Variants in SMC1B observed in about 807,000 individuals in gnomAD.
SMC1B encodes the protein structural maintenance of chromosomes 1B.
SMC1B carries 60 observed loss-of-function variants against 157.9 expected under a neutral mutation model. That is an observed-to-expected ratio of 0.38 (90% CI 0.31 to 0.47). The LOEUF is 0.47. Ranked by LOEUF, SMC1B falls within the 20% of genes least tolerant of loss-of-function variation. The pLI is 0.99. For synonymous variants in SMC1B, 445 were observed against 483.0 expected, an observed-to-expected ratio of 0.92 and a Z score of 1.03; for missense variants, 1,165 against 1,426.2, an observed-to-expected ratio of 0.82 and a Z score of 2.95.
intron 8 of SMC1B, among the ~76,000 whole-genome samples, chr22:45,394,109 C>T (rs2087094203): frequency 6.6e-6 from 1 of 151,648 alleles, no homozygotes; most frequent in Non-Finnish European, 1.5e-5. Context: ...TGGCTTGAGT[C>T]TAGGAATTTG....
At position 45,397,696 on chromosome 22, in the gene SMC1B, T is replaced by C. The variant is rs76797120; in HGVS notation, c.1114-1210A>G. Reference sequence around the variant, plus strand: ...TTGTACCCACTTTAGGGTGGTGCCGTTGTTTTAGCCTTTTTTTGCATACTC... The same window carrying C: ...TTGTACCCACTTTAGGGTGGTGCCGCTGTTTTAGCCTTTTTTTGCATACTC... On this transcript the variant is annotated intron_variant, in intron 6 of 24. Transcript: ENST00000357450. 9.9e-3 allele frequency among the ~76,000 whole-genome samples: 1,502 copies of C among 152,196 alleles called. 17 individuals are homozygous for C. The highest frequency in any genetic ancestry group is 0.013 in the Non-Finnish European group (904 of 67,996).
At position 45,393,733 on chromosome 22, in the gene SMC1B, A is replaced by C. The variant is rs746479561; in HGVS notation, c.1446T>G (p.Ser482Arg). ...EVNEELNLIRSELQNAGIDTH... is the reference protein window; with the variant it reads ...EVNEELNLIRRELQNAGIDTH... ...TATCAATCCCAGCATTCTGCAATTC[A>C]CTTCTAATAAGATTCAATTCTTCAT... Residue 482 changes from serine to arginine, a missense_variant, in exon 9 of 25, where the codon AGT (serine) becomes AGG (arginine). Coordinates refer to ENST00000357450, the MANE Select transcript of SMC1B (RefSeq NM_148674.5). 17 of 1,613,726 alleles carry C rather than the reference A, an allele frequency of 1.1e-5. No homozygotes were observed. Among genetic ancestry groups the C allele is most frequent in the Non-Finnish European group, 1.4e-5 (17 of 1,179,874 alleles).
intron 7 of SMC1B, 111 bp downstream of exon 7, chr22:45,396,235 A>T: frequency 1.2e-6 from 1 of 834,894 alleles, no homozygotes; most frequent in Non-Finnish European, 1.7e-6. Context: ...AATAAATGAA[A>T]TGAGACAGTA....
intron 12 of SMC1B, among the ~76,000 whole-genome samples, chr22:45,374,862 G>T (rs1385295113): frequency 2.0e-5 from 3 of 151,874 alleles, no homozygotes; most frequent in Admixed American, 2.0e-4. Flanking sequence ...ATTTTCACAG[G>T]ACATGAGAAA....
chr22:45,345,281 C>T (rs959003393), intron 24 of SMC1B, among the ~76,000 whole-genome samples, 178 bp downstream of exon 24: 2 of 152,178 alleles, frequency 1.3e-5, no homozygotes, highest in African/African-American at 4.8e-5. Context: ...AATATATCTT[C>T]AATCTCTATG....
chr22:45,399,470 G>A (rs544648826), intron 5 of SMC1B, 117 bp from the exon 6 acceptor site: 144 of 991,976 alleles, frequency 1.5e-4, no homozygotes, highest in Admixed American at 3.2e-4. Context: ...AACTTTCAGA[G>A]ACTGTAAGCA....
At chr22:45,374,432 T>C (rs2086865704) in intron 12 of SMC1B, among the ~76,000 whole-genome samples, 1 of 152,178 alleles carries the variant, frequency 6.6e-6, no homozygotes. Context: ...AGCAGTTCAG[T>C]CCTACCATGA....
At chr22:45,353,893 CAA>C (rs3833396) in intron 21 of SMC1B, 83 bp downstream of exon 21, 1,940 of 245,154 alleles carry the variant, frequency 7.9e-3, no homozygotes, top group South Asian at 0.014. Flanking sequence ...TATTTCCCAC[CAA>C]AAAAAAAAAA....
intron 19 of SMC1B, among the ~76,000 whole-genome samples, chr22:45,355,423 A>G (rs570887444): frequency 1.3e-3 from 197 of 152,330 alleles, no homozygotes; most frequent in African/African-American, 4.1e-3. Flanking sequence ...TGAGGATTCA[A>G]TGATGGAAGC....
chr22:45,392,172 C>T (rs889930169), intron 9 of SMC1B, among the ~76,000 whole-genome samples: 5 of 152,116 alleles, frequency 3.3e-5, no homozygotes, highest in African/African-American at 1.2e-4. Context: ...TGGTCTCAAA[C>T]TCCTGACCTC....
Position 45,388,243 on chromosome 22 carries a change from GTGTGTGTGTA to G in SMC1B, c.1732-1207_1732-1198del, listed in dbSNP as rs1371988991. 5.3e-5 allele frequency among the ~76,000 whole-genome samples: 8 copies of G among 152,172 alleles called. No homozygotes were observed. The East Asian group carries it at 1.5e-3, about 29-fold the overall frequency. On this transcript the variant is annotated intron_variant, in intron 10 of 24. Coordinates refer to ENST00000357450, the MANE Select transcript of SMC1B (RefSeq NM_148674.5). ...CAGAAAACTCATATACAACTAAAAT[GTGTGTGTGTA>G]TGTGTGTGTATATACATTTGGGAAT...
In SMC1B at chr22:45,371,727, C is replaced by T. The variant is rs1458073043; in HGVS notation, c.2197-140G>A. 22 of 1,042,458 alleles carry T rather than the reference C, an allele frequency of 2.1e-5. No homozygotes were observed. The South Asian group carries it at 2.7e-4, about 13-fold the overall frequency. 64.6% of individuals were successfully genotyped at this position (1,042,458 alleles called of 1,614,324 possible). A position where few individuals can be genotyped will look rare whatever the true frequency, so the allele number is the denominator to read the frequency against. ...ATTCACCTGGATAAAAGGTTAAATA[C>T]CACATAAATAATTAAGGGACTATAA... On this transcript the variant is annotated intron_variant, in intron 13 of 24. Coordinates refer to ENST00000357450, the MANE Select transcript of SMC1B (RefSeq NM_148674.5).
chr22:45,351,557 T>C (rs766115463), intron 22 of SMC1B, among the ~76,000 whole-genome samples: 3 of 152,206 alleles, frequency 2.0e-5, no homozygotes, highest in Non-Finnish European at 4.4e-5. Context: ...GTATTATGCA[T>C]ATATTTTTTG....
At chr22:45,369,159 C>T (rs1458395540) in intron 15 of SMC1B, among the ~76,000 whole-genome samples, 2 of 151,972 alleles carry the variant, frequency 1.3e-5, no homozygotes, top group South Asian at 2.1e-4. Context: ...TGCAGTGGCA[C>T]GATCTCGGCT....
intron 21 of SMC1B, 38 bp from the exon 22 acceptor site, chr22:45,352,640 G>A: frequency 6.4e-7 from 1 of 1,555,848 alleles, no homozygotes; most frequent in Non-Finnish European, 8.7e-7. Context: ...TATCAGAAAA[G>A]CAACTGATAA....
In SMC1B at chr22:45,363,007, T is replaced by C; in HGVS notation, c.2440A>G (p.Lys814Glu). The change falls in exon 16 of 25, where the codon AAA becomes GAA. Residue 814 changes from lysine to glutamate, a missense_variant. Transcript: ENST00000357450. ...TCAAGTTGAACATTAAGCCGAGTTT[T>C]TTGTTTTTCAAATTCTAATCTAGTA... ...DQKRLEFEKQ[K>E]TRLNVQLEYS... 6.3e-7 allele frequency: 1 copy of C among 1,587,630 alleles called. No homozygotes were observed. The highest frequency in any genetic ancestry group is 8.5e-7 in the Non-Finnish European group (1 of 1,172,422).
chr22:45,394,315 CCT>C (rs2087097371), intron 8 of SMC1B, among the ~76,000 whole-genome samples: 1 of 151,262 alleles, frequency 6.6e-6, no homozygotes, highest in Admixed American at 6.6e-5. Flanking sequence ...AGAGTGAGAC[CCT>C]GTCTCAAAAA....
At chr22:45,387,407 G>A (rs555185117) in intron 10 of SMC1B, among the ~76,000 whole-genome samples, 4 of 152,134 alleles carry the variant, frequency 2.6e-5, no homozygotes, top group Non-Finnish European at 4.4e-5. Context: ...CTGAGATCGC[G>A]CTACTGCACT....
chr22:45,365,630 A>G (rs1401861853), intron 15 of SMC1B, among the ~76,000 whole-genome samples: 2 of 152,166 alleles, frequency 1.3e-5, no homozygotes, highest in East Asian at 3.8e-4. Flanking sequence ...ACTTGAGCCC[A>G]GGAGGCAGAG....
Sources: gnomAD v4.1 joint callset for allele counts (sites outside exome capture counted in the v4.1 genomes callset) on GRCh38, gnomAD v4.1.1 for gene constraint, MANE v1.5 for transcripts, NCBI Gene and HGNC (gene_info 2026-07-23, HGNC 2026-07-21) for gene names.